The following RBPJL variants were observed in gnomAD, a reference collection of about 807,000 sequenced individuals.
RBPJL encodes the protein recombining binding protein suppressor of hairless-like protein.
In RBPJL, 50 loss-of-function variants were observed where a neutral mutation model predicts 57.6. The ratio of observed to expected loss-of-function variants is 0.87; its 90% CI spans 0.69 to 1.10. The LOEUF (loss-of-function observed/expected upper bound fraction) is 1.10, where lower values mean the gene tolerates loss of function less well. RBPJL is among the 50% of genes least tolerant of loss of function. The pLI is 0.00. For synonymous variants in RBPJL, 303 were observed against 294.4 expected, an observed-to-expected ratio of 1.03 and a Z score of -0.30; for missense variants, 684 against 693.7, an observed-to-expected ratio of 0.99 and a Z score of 0.16.
intron 4 of RBPJL, 67 bp downstream of exon 4, chr20:45,311,726 A>C (rs1987180520): frequency 6.3e-7 from 1 of 1,587,122 alleles, no homozygotes; most frequent in Non-Finnish European, 8.6e-7. Context: ...TGGGCCCGAG[A>C]CGGGGCGGTT....
rs772840429 is a variant in RBPJL at position 45,313,624 on chromosome 20, C to T, written c.757+19C>T. ...CACCTGGGTAATGACATCTGCAGGC[C>T]CTGGAGCTGGGCACTTCACATGCAT... On this transcript the variant is annotated intron_variant, in intron 7 of 11. Transcript: ENST00000343694. 5.7e-6 allele frequency: 9 copies of T among 1,587,930 alleles called. No individual in the cohort carries two copies. The highest frequency in any genetic ancestry group is 7.7e-6 in the Non-Finnish European group (9 of 1,165,656).
At chr20:45,313,002 T>C (rs1987265377) in intron 6 of RBPJL, among the ~76,000 whole-genome samples, 1 of 119,654 alleles carries the variant, frequency 8.4e-6, no homozygotes. Flanking sequence ...GGTGAGATGC[T>C]ATCTCAAAAA....
chr20:45,310,820 A>G (rs1987128191), intron 3 of RBPJL, among the ~76,000 whole-genome samples: 1 of 152,098 alleles, frequency 6.6e-6, no homozygotes, highest in African/African-American at 2.4e-5. Context: ...CATGTTTTTA[A>G]CAAAACACTC....
chr20:45,316,935 C>T lies in RBPJL; in HGVS notation c.1530C>T (p.Asn510=), dbSNP rs746008762. ...ESIHQEFTRT[N]FHLFIQT ...TCCATCAGGAGTTCACGCGCACCAA[C>T]TTCCACCTCTTCATCCAGACTTAGG... Residue 510 remains asparagine, a synonymous_variant, in exon 12 of 12, where the codon AAC becomes AAT. Transcript: ENST00000343694. The T allele has an allele frequency of 6.2e-7, 1 of 1,612,688 alleles. No individual in the cohort carries two copies. The highest frequency in any genetic ancestry group is 8.5e-7 in the Non-Finnish European group (1 of 1,179,044).
rs985940142 is a variant in RBPJL at position 45,308,358 on chromosome 20, T to G, written c.131+107T>G. ...AGGGCTGGCGGGTGGGGAGGGGAAG[T>G]GCAGGCTGCAACCCCTCCCACTGGC... is the stretch of plus-strand genomic sequence containing the variant. On this transcript the variant is annotated intron_variant, in intron 2 of 11. Coordinates refer to ENST00000343694, the MANE Select transcript of RBPJL (RefSeq NM_014276.4). The G allele has an allele frequency of 1.9e-5, 14 of 743,008 alleles. No homozygotes were observed. In the East Asian group the frequency reaches 3.7e-4, roughly 19 times the overall value. The allele number at this position is 743,008 out of a possible 1,614,324, so 46.0% of individuals were successfully genotyped here.
At chr20:45,308,343 G>A (rs1212922289) in intron 2 of RBPJL, 92 bp downstream of exon 2, 9 of 834,300 alleles carry the variant, frequency 1.1e-5, no homozygotes, top group Non-Finnish European at 1.6e-5. Context: ...AGGGCTGGCG[G>A]GTGGGGAGGG....
At chr20:45,316,124 G>A (rs978292140) in intron 9 of RBPJL, 63 bp from the exon 10 acceptor site, 7 of 1,549,078 alleles carry the variant, frequency 4.5e-6, no homozygotes, top group Non-Finnish European at 6.2e-6. Flanking sequence ...GCGCCATGCT[G>A]GCTCCCTACA....
rs1294506865 is a variant in RBPJL at position 45,317,021 on chromosome 20, G to A, written c.*62G>A. 1.2e-5 allele frequency: 19 copies of A among 1,539,364 alleles called. No individual in the cohort carries two copies. The highest frequency in any genetic ancestry group is 4.5e-5 in the East Asian group (2 of 44,300). ...CTGCGCCCGCGCCAGGCGCGGGGAC[G>A]TGTTTCTGGGTTCTAGGCCCTGCTT... On this transcript the variant is annotated 3_prime_UTR_variant, in exon 12 of 12. Coordinates refer to ENST00000343694, the MANE Select transcript of RBPJL (RefSeq NM_014276.4).
intron 2 of RBPJL, 106 bp downstream of exon 2, chr20:45,308,357 G>A: frequency 1.2e-5 from 9 of 752,444 alleles, no homozygotes; most frequent in Non-Finnish European, 2.1e-5. Flanking sequence ...GGGAGGGGAA[G>A]TGCAGGCTGC....
At chr20:45,307,238 C>A (rs1986792387) in intron 1 of RBPJL, among the ~76,000 whole-genome samples, 1 of 152,124 alleles carries the variant, frequency 6.6e-6, no homozygotes, top group Admixed American at 6.5e-5. Flanking sequence ...GCAGAGAGGG[C>A]CAGCTGCCCC....
intron 5 of RBPJL, 41 bp from the exon 6 acceptor site, chr20:45,312,179 GA>G (rs1773427622): frequency 4.3e-6 from 7 of 1,613,158 alleles, no homozygotes; most frequent in Middle Eastern, 1.6e-4. Context: ...TCCGACGGGG[GA>G]GGGCTGGGAT....
intron 2 of RBPJL, 106 bp from the exon 3 acceptor site, chr20:45,309,461 C>G (rs1374043565): frequency 3.5e-5 from 45 of 1,282,270 alleles, no homozygotes; most frequent in Middle Eastern, 5.5e-4. Context: ...CCCACTCACT[C>G]TAACCCCCTG....
intron 9 of RBPJL, among the ~76,000 whole-genome samples, chr20:45,315,293 T>C (rs897428868): frequency 6.6e-6 from 1 of 151,854 alleles, no homozygotes; most frequent in East Asian, 1.9e-4. Flanking sequence ...TGTTACGAGA[T>C]AGAATTATAA....
At chr20:45,308,762 C>A (rs1204731988) in intron 2 of RBPJL, among the ~76,000 whole-genome samples, 1 of 151,984 alleles carries the variant, frequency 6.6e-6, no homozygotes, top group African/African-American at 2.4e-5. Context: ...GCTAACCCCC[C>A]AAATCTCTCC....
rs973584998 is a variant in RBPJL at position 45,317,568 on chromosome 20, C to T, written c.*609C>T. The T allele has an allele frequency of 2.0e-5, 3 of 152,668 alleles. No homozygotes were observed. Among genetic ancestry groups the T allele is most frequent in the African/African-American group, 2.4e-5 (1 of 41,444 alleles). 9.5% of individuals were successfully genotyped at this position (152,668 alleles called of 1,614,324 possible). ...TCGGTCCCACCTGGGGCACCAGTTC[C>T]CACCTAGAGCACTGTGTCCTGCCCT... On this transcript the variant is annotated 3_prime_UTR_variant, in exon 12 of 12. Transcript: ENST00000343694.
Position 45,311,902 on chromosome 20 carries a change from G to A in RBPJL, c.392G>A (p.Gly131Asp). 6.5e-7 allele frequency: 1 copy of A among 1,539,746 alleles called. No homozygotes were observed. Among genetic ancestry groups the A allele is most frequent in the Non-Finnish European group, 8.7e-7 (1 of 1,144,512 alleles). Reference sequence around the variant, plus strand: ...TACATGGGACTGGACAGCGCGTCCGGCAGCGCCACTGAGACGCAGAAGCTG... The same window carrying A: ...TACATGGGACTGGACAGCGCGTCCGACAGCGCCACTGAGACGCAGAAGCTG... ...CGYMGLDSAS[G>D]SATETQKLNF... Residue 131 changes from glycine to aspartate, a missense_variant, in exon 5 of 12, where the codon GGC becomes GAC. Transcript: ENST00000343694.
In RBPJL at chr20:45,317,769, G is replaced by A. The variant is rs1206981493; in HGVS notation, c.*810G>A. The A allele has an allele frequency of 6.6e-6, 1 of 152,416 alleles. No homozygotes were observed. The highest frequency in any genetic ancestry group is 2.4e-5 in the African/African-American group (1 of 41,454). 9.4% of individuals were successfully genotyped at this position (152,416 alleles called of 1,614,324 possible). A position where few individuals can be genotyped will look rare whatever the true frequency, so the allele number is the denominator to read the frequency against. ...GTCACTTCTCCCACAGGCCCAGCAG[G>A]ACGCAGTCCTGAGGATCAGGGATTC... On this transcript the variant is annotated 3_prime_UTR_variant, in exon 12 of 12. Transcript: ENST00000343694.
chr20:45,311,679 C>T lies in RBPJL; in HGVS notation c.328+20C>T. The T allele has an allele frequency of 6.2e-7, 1 of 1,613,224 alleles. No individual in the cohort carries two copies. Among genetic ancestry groups the T allele is most frequent in the Non-Finnish European group, 8.5e-7 (1 of 1,179,524 alleles). On this transcript the variant is annotated intron_variant, in intron 4 of 11. Transcript: ENST00000343694. Reference sequence around the variant, plus strand: ...ATCAAGGTGAGGGCGGAATCAAGGGCTGCCGGCCGCCTGCTCTGTAGGGAG... The same window carrying T: ...ATCAAGGTGAGGGCGGAATCAAGGGTTGCCGGCCGCCTGCTCTGTAGGGAG...
At position 45,314,398 on chromosome 20, in the gene RBPJL, A is replaced by G; in HGVS notation, c.868-15A>G. 6.2e-7 allele frequency: 1 copy of G among 1,609,288 alleles called. No homozygotes were observed. Among genetic ancestry groups the G allele is most frequent in the Non-Finnish European group, 8.5e-7 (1 of 1,176,072 alleles). The stretch of plus-strand genomic sequence containing the variant: ...GCTCCTTGCCACCACTGTTCTTACC[A>G]TCCTTCCATTGCAGATCATCCGTAA... On this transcript the variant is annotated splice_polypyrimidine_tract_variant and intron_variant, in intron 8 of 11. Transcript: ENST00000343694.
Sources: allele counts gnomAD v4.1 joint callset (sites outside exome capture counted in the v4.1 genomes callset), GRCh38; gene constraint gnomAD v4.1.1; transcripts MANE v1.5; gene names NCBI Gene and HGNC (gene_info 2026-07-23, HGNC 2026-07-21).